ARX: variants seen among roughly 807,000 people sequenced by gnomAD.
ARX encodes the protein homeobox protein ARX.
In ARX, 1 loss-of-function variant was observed where a neutral mutation model predicts 23.1. The ratio of observed to expected loss-of-function variants is 0.04; its 90% CI spans 0.02 to 0.21. ARX has a LOEUF of 0.21. Ranked by LOEUF, ARX falls within the 10% of genes least tolerant of loss-of-function variation. The pLI is 1.00. For synonymous variants in ARX, 301 were observed against 270.1 expected, an observed-to-expected ratio of 1.11 and a Z score of -1.12; for missense variants, 380 against 527.5, an observed-to-expected ratio of 0.72 and a Z score of 2.74.
At chrX:25,007,543 C>T in intron 3 of ARX, 104 bp from the exon 4 acceptor site, 1 of 986,183 alleles carries the variant, frequency 1.0e-6, no homozygotes, top group Non-Finnish European at 1.3e-6. Flanking sequence ...CCCTTCCTTT[C>T]CACCGCGGCC....
intron 4 of ARX, 50 bp downstream of exon 4, chrX:25,007,061 G>A: frequency 8.7e-7 from 1 of 1,155,177 alleles, no homozygotes; most frequent in South Asian, 1.9e-5. Flanking sequence ...CCCAGCCTCT[G>A]TGTGTATGAG....
intron 1 of ARX, among the ~76,000 whole-genome samples, chrX:25,014,816 C>T (rs1029354102): frequency 9.8e-5 from 11 of 112,645 alleles, no homozygotes; most frequent in Admixed American, 5.6e-4. Context: ...TTCCCTGCGA[C>T]ACCTCTGCAG....
In ARX at chrX:25,013,540, G is replaced by C. The variant is rs1184388194; in HGVS notation, c.455C>G (p.Ala152Gly). 3 of 788,625 alleles carry C rather than the reference G, an allele frequency of 3.8e-6. No individual in the cohort carries two copies. The African/African-American group carries it at 7.0e-5, about 19-fold the overall frequency. 65.0% of individuals were successfully genotyped at this position (788,625 alleles called of 1,213,427 possible). ...CTTGAGCGTGTCCCAGGCCGCGGCG[G>C]CCGCGGCCGCGGCTGCCGCGGCGGC... Reference protein sequence around the residue: ...AGAAAAAAAAAAAAWDTLKIS... With the variant: ...AGAAAAAAAAGAAAWDTLKIS... Residue 152 changes from alanine to glycine, a missense_variant, in exon 2 of 5, where the codon GCC (alanine) becomes GGC (glycine). Physicochemically the swap from Ala to Gly is moderately conservative, Grantham distance 60 (BLOSUM62 0). This residue lies in a region of ARX where 235 missense variants were observed against 270.2 expected (regional missense o/e 0.87). Coordinates refer to ENST00000379044, the MANE Select transcript of ARX (RefSeq NM_139058.3).
At position 25,004,859 on chromosome X, in the gene ARX, G is replaced by C. The variant is rs1482080449; in HGVS notation, c.1500C>G (p.Leu500=). 1 of 1,151,282 alleles carries C rather than the reference G, an allele frequency of 8.7e-7. No individual in the cohort carries two copies. Among genetic ancestry groups the C allele is most frequent in the Non-Finnish European group, 1.2e-6 (1 of 868,046 alleles). 94.9% of individuals were successfully genotyped at this position (1,151,282 alleles called of 1,213,427 possible). ...PLTSASTAAA[L]LRQPTPAVEG... ...CCACGGCGGGTGTGGGCTGTCTCAG[G>C]AGCGCGGCCGCGGTCGACGCGCTGG... The change falls in exon 5 of 5, where the codon CTC becomes CTG. Residue 500 remains leucine, a synonymous_variant. Transcript: ENST00000379044.
rs1335498819 is a variant in ARX, at chrX:25,015,878, T to TC, written c.-142dup. The TC allele has an allele frequency of 2.8e-6, 2 of 723,205 alleles. No individual in the cohort carries two copies. Among genetic ancestry groups the TC allele is most frequent in the African/African-American group, 2.1e-5 (1 of 47,305 alleles). 59.6% of individuals were successfully genotyped at this position (723,205 alleles called of 1,213,427 possible). On this transcript the variant is annotated 5_prime_UTR_variant, in exon 1 of 5. Transcript: ENST00000379044. ...ATTGCGATCTTTGTGCCTTTCTGCC[T>TC]CCCTTGGTTGCCGGCTGCCGGCTCC...
At chrX:25,007,998 C>A (rs146650939) in intron 3 of ARX, among the ~76,000 whole-genome samples, 1 of 111,275 alleles carries the variant, frequency 9.0e-6, no homozygotes, top group Non-Finnish European at 1.9e-5. Context: ...TTCAGATTTA[C>A]GCAAGAGCTG....
Position 25,015,716 on chromosome X carries a change from C to T in ARX, c.22G>A (p.Glu8Lys). The T allele has an allele frequency of 8.3e-7, 1 of 1,200,159 alleles. No individual in the cohort carries two copies. Among genetic ancestry groups the T allele is most frequent in the Non-Finnish European group, 1.1e-6 (1 of 888,500 alleles). MSNQYQE[E>K]GCSERPECKS... ...CACTCGGGCCTCTCGGAGCAGCCCT[C>T]CTCCTGGTACTGATTGCTCATGGCT... Residue 8 changes from glutamate (E) to lysine (K), a missense_variant, in exon 1 of 5, where the codon GAG becomes AAG. Glu to Lys is a moderately conservative substitution (Grantham distance 56, BLOSUM62 1). Transcript: ENST00000379044.
chrX:25,011,892 C>T (rs1158789165), intron 2 of ARX, among the ~76,000 whole-genome samples: 1 of 113,063 alleles, frequency 8.8e-6, no homozygotes, highest in Non-Finnish European at 1.9e-5. Context: ...AGGCAGTCAC[C>T]GATCCCTTTC....
intron 4 of ARX, 36 bp downstream of exon 4, chrX:25,007,075 C>CAGAA (rs1454675394): frequency 8.7e-7 from 1 of 1,143,392 alleles, no homozygotes; most frequent in African/African-American, 1.8e-5. Flanking sequence ...GTATGAGAGA[C>CAGAA]AGACAGACAG....
Position 25,015,749 on chromosome X carries a change from T to C in ARX, c.-12A>G, listed in dbSNP as rs2048724765. On this transcript the variant is annotated 5_prime_UTR_variant, in exon 1 of 5. Transcript: ENST00000379044. ...TACTGATTGCTCATGGCTGGGGCTT[T>C]TTCCCAGGGCGCAGAGAGCGGATCG... 1.7e-6 allele frequency: 2 copies of C among 1,188,106 alleles called. No homozygotes were observed. The highest frequency in any genetic ancestry group is 2.3e-6 in the Non-Finnish European group (2 of 881,648).
intron 3 of ARX, among the ~76,000 whole-genome samples, chrX:25,008,596 T>C (rs944851796): frequency 1.8e-5 from 2 of 111,933 alleles, no homozygotes; most frequent in Admixed American, 9.4e-5. Flanking sequence ...ATATGCTCCT[T>C]CTCCCCTGAA....
In ARX at chrX:25,012,914, G is replaced by C; in HGVS notation, c.1073+8C>G. ...GCCGCTGCGACCGCGACCACCCTAC[G>C]CGCATACCTGGTGAAGACGTCCGGG... is the stretch of plus-strand genomic sequence containing the variant. On this transcript the variant is annotated splice_region_variant and intron_variant, in intron 2 of 4. Coordinates refer to ENST00000379044, the MANE Select transcript of ARX (RefSeq NM_139058.3). The C allele has an allele frequency of 8.3e-7, 1 of 1,203,255 alleles. No individual in the cohort carries two copies. Among genetic ancestry groups the C allele is most frequent in the Non-Finnish European group, 1.1e-6 (1 of 892,004 alleles).
At chrX:25,005,702 C>G (rs1288367920) in intron 4 of ARX, among the ~76,000 whole-genome samples, 1 of 112,708 alleles carries the variant, frequency 8.9e-6, no homozygotes, top group Non-Finnish European at 1.9e-5. Context: ...ACGACCCTGG[C>G]GCGCGGCGCA....
rs2048709096 is a variant in ARX, at chrX:25,013,137, G to A, written c.858C>T (p.Gly286=). ...GCTCCTCCTTGGGTGACAGCTCCCCGCCCTCTGTGGCCACTGCAGCGGCAG... is the reference window on the plus strand; with the variant it reads ...GCTCCTCCTTGGGTGACAGCTCCCCACCCTCTGTGGCCACTGCAGCGGCAG... ...AAAAAAVATE[G]GELSPKEELL... Residue 286 remains glycine (G), a synonymous_variant, in exon 2 of 5, where the codon GGC becomes GGT. Coordinates refer to ENST00000379044, the MANE Select transcript of ARX (RefSeq NM_139058.3). 4.2e-6 allele frequency: 5 copies of A among 1,198,548 alleles called. No homozygotes were observed. The highest frequency in any genetic ancestry group is 5.6e-6 in the Non-Finnish European group (5 of 890,222).
chrX:25,014,529 G>T (rs982929793), intron 1 of ARX, among the ~76,000 whole-genome samples: 2 of 112,668 alleles, frequency 1.8e-5, no homozygotes, highest in Admixed American at 1.9e-4. Flanking sequence ...GAGGGTGGGG[G>T]GGCTTCTTGC....
At chrX:25,012,863 C>T (rs1569395225) in intron 2 of ARX, 59 bp downstream of exon 2, 1 of 1,175,242 alleles carries the variant, frequency 8.5e-7, no homozygotes, top group East Asian at 3.1e-5. Flanking sequence ...CCCGCTGTCC[C>T]TCCCTGGGGC....
At position 25,004,645 on chromosome X, in the gene ARX, G is replaced by A. The variant is rs750074228; in HGVS notation, c.*25C>T. 5 of 1,164,450 alleles carry A rather than the reference G, an allele frequency of 4.3e-6. No individual in the cohort carries two copies. The South Asian group carries it at 5.7e-5, about 13-fold the overall frequency. On this transcript the variant is annotated 3_prime_UTR_variant, in exon 5 of 5. Transcript: ENST00000379044. ...TGAGGTGACCTTTCGGGGCGCGCGCGGGGCGCGGGTGTGGAGGGCAGCCTT... is the reference window on the plus strand; with the variant it reads ...TGAGGTGACCTTTCGGGGCGCGCGCAGGGCGCGGGTGTGGAGGGCAGCCTT...
intron 1 of ARX, 148 bp from the exon 2 acceptor site, chrX:25,013,946 C>G: frequency 2.4e-6 from 2 of 820,154 alleles, no homozygotes; most frequent in Non-Finnish European, 3.0e-6. Flanking sequence ...GCCTTGGCCT[C>G]TTTCTCCACT....
Position 25,013,266 on chromosome X carries a change from C to T in ARX, c.729G>A (p.Leu243=), listed in dbSNP as rs1340741097. Residue 243 remains leucine, a synonymous_variant, in exon 2 of 5, where the codon CTG becomes CTA. Coordinates refer to ENST00000379044, the MANE Select transcript of ARX (RefSeq NM_139058.3). ...GCAGCTCCTCCTCGTCGTCCTCCAG[C>T]AGTTCCTCTTCCTCGTCCTCATCTT... ...DEEDEDEEEE[L]LEDDEEELLE... The T allele has an allele frequency of 5.2e-6, 6 of 1,154,153 alleles. No individual in the cohort carries two copies. The highest frequency in any genetic ancestry group is 5.8e-6 in the Non-Finnish European group (5 of 868,694).
Sources: gnomAD v4.1 joint callset for allele counts (sites outside exome capture counted in the v4.1 genomes callset) on GRCh38, gnomAD v4.1.1 for gene constraint, gnomAD v4.1.1 regional missense constraint, MANE v1.5 for transcripts, NCBI Gene and HGNC (gene_info 2026-07-23, HGNC 2026-07-21) for gene names.